Variants in NUGGC observed in about 807,000 individuals in gnomAD.
NUGGC encodes nuclear GTPase, germinal center associated, also known as nuclear GTPase SLIP-GC.
A neutral mutation model predicts 92.6 loss-of-function variants in NUGGC; 58 were observed. That is an observed-to-expected ratio of 0.63 (90% confidence interval 0.51 to 0.78). The LOEUF is 0.78. Ranked by LOEUF, NUGGC falls within the 30% of genes least tolerant of loss-of-function variation. The pLI is 0.00. For synonymous variants in NUGGC, 376 were observed against 366.4 expected, an observed-to-expected ratio of 1.03 and a Z score of -0.30; for missense variants, 925 against 964.6, an observed-to-expected ratio of 0.96 and a Z score of 0.54.
chr8:28,059,860 A>G (rs1012122926), intron 8 of NUGGC, among the ~76,000 whole-genome samples: 1 of 151,996 alleles, frequency 6.6e-6, no homozygotes, highest in African/African-American at 2.4e-5. Context: ...CATCTCTACT[A>G]AAATACAAAA....
chr8:28,027,032 C>A lies in NUGGC; in HGVS notation c.2175G>T (p.Val725=), dbSNP rs755005907. The part of the protein sequence containing the change: ...QQLKTGIVEK[V]KGSITTMLAL... ...CCAGCATAGTGGTGATGCTGCCCTT[C>A]ACCTTCTCCACGATTCCAGTCTATG... Residue 725 remains valine, a synonymous_variant, in exon 18 of 19, where the codon GTG becomes GTT. Coordinates refer to ENST00000413272, the MANE Select transcript of NUGGC (RefSeq NM_001010906.2). The A allele has an allele frequency of 3.1e-6, 5 of 1,613,390 alleles. No individual in the cohort carries two copies. In the South Asian group the frequency reaches 5.5e-5, roughly 18 times the overall value.
chr8:28,029,497 C>T (rs2130073620), intron 16 of NUGGC, 95 bp from the exon 17 acceptor site: 1 of 1,434,486 alleles, frequency 7.0e-7, no homozygotes, highest in Admixed American at 2.0e-5. Context: ...ACCTGTAATC[C>T]CAGCGCTTTG....
intron 10 of NUGGC, among the ~76,000 whole-genome samples, chr8:28,054,595 C>G (rs989015597): frequency 1.3e-5 from 2 of 152,172 alleles, no homozygotes; most frequent in Admixed American, 1.3e-4. Flanking sequence ...CAGGCCTTAT[C>G]CCTGTCCACT....
intron 9 of NUGGC, among the ~76,000 whole-genome samples, 152 bp from the exon 10 acceptor site, chr8:28,056,206 C>T (rs1585581994): frequency 2.0e-5 from 3 of 152,142 alleles, no homozygotes; most frequent in Middle Eastern, 6.8e-3. Context: ...TTGCCGGGCA[C>T]GGTGGCTCAT....
At chr8:28,049,768 G>A (rs1323557470) in intron 10 of NUGGC, among the ~76,000 whole-genome samples, 1 of 152,186 alleles carries the variant, frequency 6.6e-6, no homozygotes, top group Non-Finnish European at 1.5e-5. Flanking sequence ...TTGTATGTGA[G>A]AGAGGAGAAA....
In NUGGC at chr8:28,022,679, G is replaced by A. The variant is rs1212882442; in HGVS notation, c.*638C>T. The A allele has an allele frequency of 1.3e-5, 2 of 152,154 alleles. No homozygotes were observed. The highest frequency in any genetic ancestry group is 2.9e-5 in the Non-Finnish European group (2 of 68,048). The allele number at this position is 152,154 out of a possible 1,614,324, so 9.4% of individuals were successfully genotyped here. A position where few individuals can be genotyped will look rare whatever the true frequency, so the allele number is the denominator to read the frequency against. ...ACAATGGCTCATGCCTGCAATCCTA[G>A]CACAAGAGACTGAGGTGGGAGAGAA... On this transcript the variant is annotated 3_prime_UTR_variant, in exon 19 of 19. Coordinates refer to ENST00000413272, the MANE Select transcript of NUGGC (RefSeq NM_001010906.2).
intron 6 of NUGGC, 53 bp downstream of exon 6, chr8:28,067,461 T>C: frequency 8.5e-7 from 1 of 1,178,080 alleles, no homozygotes; most frequent in South Asian, 1.3e-5. Flanking sequence ...CAGGTTCAAC[T>C]GTTAGACTTG....
chr8:28,036,610 A>C (rs959886812), intron 13 of NUGGC, among the ~76,000 whole-genome samples: 1 of 152,146 alleles, frequency 6.6e-6, no homozygotes, highest in Non-Finnish European at 1.5e-5. Flanking sequence ...ATCTTCTTAG[A>C]TCTTCTTTAA....
intron 10 of NUGGC, among the ~76,000 whole-genome samples, chr8:28,054,099 A>T (rs1397772398): frequency 6.6e-6 from 1 of 152,248 alleles, no homozygotes; most frequent in African/African-American, 2.4e-5. Flanking sequence ...CAAACATATC[A>T]TCTGTCACAT....
At chr8:28,054,348 G>A (rs905709840) in intron 10 of NUGGC, among the ~76,000 whole-genome samples, 3 of 152,086 alleles carry the variant, frequency 2.0e-5, no homozygotes, top group African/African-American at 7.2e-5. Flanking sequence ...TGGGCATAGT[G>A]GCAGGCACTT....
chr8:28,080,045 G>A (rs569020834), intron 1 of NUGGC, among the ~76,000 whole-genome samples: 47 of 152,236 alleles, frequency 3.1e-4, no homozygotes, highest in Non-Finnish European at 5.6e-4. Flanking sequence ...AGGTTCAAGC[G>A]ATTCTCCTGC....
At chr8:28,024,333 C>T (rs1453764910) in intron 18 of NUGGC, among the ~76,000 whole-genome samples, 1 of 151,914 alleles carries the variant, frequency 6.6e-6, no homozygotes, top group Non-Finnish European at 1.5e-5. Flanking sequence ...GCATGAGCCA[C>T]CGTGCCCGGC....
intron 3 of NUGGC, 98 bp downstream of exon 3, chr8:28,070,154 C>T: frequency 6.8e-7 from 1 of 1,470,636 alleles, no homozygotes; most frequent in Non-Finnish European, 9.0e-7. Flanking sequence ...TTTGATGTTT[C>T]ATCCAGCTTC....
At chr8:28,054,452 A>C (rs992106932) in intron 10 of NUGGC, among the ~76,000 whole-genome samples, 1 of 152,108 alleles carries the variant, frequency 6.6e-6, no homozygotes, top group African/African-American at 2.4e-5. Flanking sequence ...ACTGCACTCC[A>C]GCCTGGGCAA....
intron 11 of NUGGC, among the ~76,000 whole-genome samples, chr8:28,046,622 A>G (rs929701580): frequency 1.3e-5 from 2 of 152,130 alleles, no homozygotes; most frequent in African/African-American, 4.8e-5. Flanking sequence ...ATAGTCACTC[A>G]GGAAACAATT....
intron 1 of NUGGC, among the ~76,000 whole-genome samples, chr8:28,076,703 T>TC (rs1810730786): frequency 6.6e-6 from 1 of 152,056 alleles, no homozygotes; most frequent in Non-Finnish European, 1.5e-5. Context: ...TGAGGACTGC[T>TC]CCACGGGGAT....
Position 28,064,529 on chromosome 8 carries a change from C to T in NUGGC, c.914G>A (p.Trp305Ter), listed in dbSNP as rs766452677. 6.2e-7 allele frequency: 1 copy of T among 1,613,818 alleles called. No homozygotes were observed. The highest frequency in any genetic ancestry group is 8.5e-7 in the Non-Finnish European group (1 of 1,179,724). Residue 305 changes from tryptophan to a stop codon, truncating the protein, a stop_gained, in exon 7 of 19, where the codon TGG (tryptophan) becomes TAG (stop). Coordinates refer to ENST00000413272, the MANE Select transcript of NUGGC (RefSeq NM_001010906.2). LOFTEE classifies it high-confidence loss of function. ...GDFNSKRDEM[W>*]KKTIDKCSVI... Reference sequence around the variant, plus strand: ...CCTACGAAAGACAGTCACCTTTTTCCACATCTCGTCCCTCTTGCTGTTGAA... The same window carrying T: ...CCTACGAAAGACAGTCACCTTTTTCTACATCTCGTCCCTCTTGCTGTTGAA...
intron 18 of NUGGC, 43 bp downstream of exon 18, chr8:28,026,919 T>A: frequency 7.6e-7 from 1 of 1,317,616 alleles, no homozygotes; most frequent in Non-Finnish European, 1.1e-6. Context: ...CAGCCAGGGC[T>A]GTCTGCACAA....
intron 8 of NUGGC, chr8:28,060,210 C>G (rs1231179585): frequency 3.0e-6 from 2 of 667,584 alleles, no homozygotes; most frequent in Non-Finnish European, 5.5e-6. Context: ...CAGCTTGGCA[C>G]TAAGCAGCTA....
Sources: gnomAD v4.1 joint callset for allele counts (sites outside exome capture counted in the v4.1 genomes callset) on GRCh38, gnomAD v4.1.1 for gene constraint, MANE v1.5 for transcripts, NCBI Gene and HGNC (gene_info 2026-07-23, HGNC 2026-07-21) for gene names.